The following NAV2 variants were observed in gnomAD, a reference collection of about 807,000 sequenced individuals.
NAV2 encodes helicase, APC down-regulated 1.
In NAV2, 54 loss-of-function variants were observed where a neutral mutation model predicts 223.2. The ratio of observed to expected loss-of-function variants is 0.24; its 90% CI spans 0.19 to 0.30. NAV2 has a LOEUF of 0.30. Among genes scored for constraint, NAV2 ranks in the 10% least tolerant of loss-of-function variants. The pLI, the probability that NAV2 is intolerant of heterozygous loss-of-function variation, is 1.00. For synonymous variants in NAV2, 1,279 were observed against 1,239.3 expected (o/e 1.03, Z -0.67); for missense variants, 2,806 against 3,147.5 (o/e 0.89, Z 2.60).
intron 4 of NAV2, 83 bp from the exon 5 acceptor site, chr11:19,879,786 C>T: frequency 6.5e-7 from 1 of 1,527,470 alleles, no homozygotes; most frequent in Non-Finnish European, 9.0e-7. Flanking sequence ...CTAAAGAAAT[C>T]AAACTCACGT....
rs2058250828 is a variant in NAV2 at position 20,054,640 on chromosome 11, T to C, written c.4642+400T>C. ...GAATGCATTCTTTTTCTAAGACCTC[T>C]GAAGAAATAGATTTTATCGCATATC... On this transcript the variant is annotated intron_variant, in intron 18 of 37. Transcript: ENST00000349880. Among the ~76,000 whole-genome samples, 4 of 152,230 alleles carry C rather than the reference T, an allele frequency of 2.6e-5. 1 individual carries two copies. Among genetic ancestry groups the C allele is most frequent in the Admixed American group, 2.6e-4 (4 of 15,288 alleles).
At chr11:20,018,660 T>C (rs4525210) in intron 11 of NAV2, among the ~76,000 whole-genome samples, 12,629 of 152,160 alleles carry the variant, frequency 0.083, 648 homozygotes, top group Admixed American at 0.11. Flanking sequence ...CAGCAGTGAT[T>C]TAGGCACTGG....
chr11:19,629,357 T>G (rs1461583378), intron 1 of NAV2, among the ~76,000 whole-genome samples: 2 of 151,978 alleles, frequency 1.3e-5, no homozygotes, highest in African/African-American at 4.8e-5. Flanking sequence ...TTTCCTAGAC[T>G]AATAATAATA....
In NAV2 at chr11:19,949,067, G is replaced by A; in HGVS notation, c.2632G>A (p.Asp878Asn). Residue 878 changes from aspartate to asparagine, a missense_variant, in exon 10 of 38, where the codon GAC (aspartate) becomes AAC (asparagine). Physicochemically the swap from Asp to Asn is conservative, Grantham distance 23 (BLOSUM62 1). This residue lies in a region of NAV2 where 1,167 missense variants were observed against 1,180.5 expected (regional missense o/e 0.99). Transcript: ENST00000349880. The stretch of plus-strand genomic sequence containing the variant: ...TCTGAGCAAGAACATCCGGACCGAT[G>A]ACATTACAAGCGGGTAAGTACCCGG... ...DVLSKNIRTDDITSGYMTDGG... is the reference protein window; with the variant it reads ...DVLSKNIRTDNITSGYMTDGG... 2 of 1,605,072 alleles carry A rather than the reference G, an allele frequency of 1.2e-6. No homozygotes were observed. Among genetic ancestry groups the A allele is most frequent in the Non-Finnish European group, 8.5e-7 (1 of 1,174,126 alleles).
At chr11:19,405,448 A>T (rs1183466065) in intron 1 of NAV2, among the ~76,000 whole-genome samples, 2 of 152,066 alleles carry the variant, frequency 1.3e-5, no homozygotes. Flanking sequence ...TCTGTTCTCC[A>T]CTGAGTTCTT....
chr11:19,568,111 C>A (rs139003428), intron 1 of NAV2, among the ~76,000 whole-genome samples: 37 of 152,340 alleles, frequency 2.4e-4, no homozygotes, highest in African/African-American at 8.9e-4. Flanking sequence ...ATGAGCAAGT[C>A]AGAGAACCAG....
At chr11:19,450,395 C>A (rs908273384) in intron 1 of NAV2, among the ~76,000 whole-genome samples, 3 of 152,178 alleles carry the variant, frequency 2.0e-5, no homozygotes, top group African/African-American at 7.2e-5. Context: ...TGGATGAAAA[C>A]CATTTGGTAG....
chr11:19,452,748 T>G (rs1851832271), intron 1 of NAV2, among the ~76,000 whole-genome samples: 1 of 152,372 alleles, frequency 6.6e-6, no homozygotes, highest in South Asian at 2.1e-4. Flanking sequence ...TTTTGAATAC[T>G]GTATTCAAAG....
At position 19,529,932 on chromosome 11, in the gene NAV2, G is replaced by T. The variant is rs76320761; in HGVS notation, c.75+178905G>T. On this transcript the variant is annotated intron_variant, in intron 1 of 37. Coordinates refer to the NAV2 transcript ENST00000360655. ...ACAAAACATCTTTTTTACTACCATTGACCTCCTCCTCTAGGGGTGTGGGAG... is the reference window on the plus strand; with the variant it reads ...ACAAAACATCTTTTTTACTACCATTTACCTCCTCCTCTAGGGGTGTGGGAG... Among the ~76,000 whole-genome samples the T allele has an allele frequency of 5.3e-3, 805 of 152,250 alleles. 4 individuals are homozygous for T. The highest frequency in any genetic ancestry group is 0.019 in the African/African-American group (783 of 41,522).
chr11:19,736,522 C>T (rs2052315156), intron 1 of NAV2, among the ~76,000 whole-genome samples: 1 of 152,180 alleles, frequency 6.6e-6, no homozygotes. Context: ...ACTGGATATG[C>T]TGAGCTCTAA....
At chr11:19,535,523 A>G (rs749650370) in intron 1 of NAV2, among the ~76,000 whole-genome samples, 4 of 152,148 alleles carry the variant, frequency 2.6e-5, no homozygotes, top group African/African-American at 7.2e-5. Flanking sequence ...CGGGTGATAT[A>G]CTTTTAATTA....
chr11:19,879,759 A>G, intron 4 of NAV2, 110 bp from the exon 5 acceptor site: 1 of 1,259,262 alleles, frequency 7.9e-7, no homozygotes, highest in Non-Finnish European at 1.1e-6. Flanking sequence ...TGAAGTGTTC[A>G]GGAAGCCTGT....
intron 1 of NAV2, among the ~76,000 whole-genome samples, chr11:19,489,986 T>C (rs535108819): frequency 1.4e-4 from 22 of 152,240 alleles, no homozygotes; most frequent in Admixed American, 5.9e-4. Context: ...CGCAATAAAG[T>C]GAGTCACATG....
intron 11 of NAV2, among the ~76,000 whole-genome samples, chr11:20,035,604 C>A (rs554910512): frequency 6.6e-5 from 10 of 152,248 alleles, no homozygotes; most frequent in African/African-American, 2.2e-4. Flanking sequence ...AGCTCTAGTC[C>A]CCAGACTCAC....
At chr11:19,439,925 G>C (rs1851340285) in intron 1 of NAV2, among the ~76,000 whole-genome samples, 1 of 152,168 alleles carries the variant, frequency 6.6e-6, no homozygotes, top group East Asian at 1.9e-4. Context: ...GATATTGAGA[G>C]TAACATACAA....
chr11:19,756,178 C>T (rs2054216272), intron 1 of NAV2, among the ~76,000 whole-genome samples: 1 of 152,124 alleles, frequency 6.6e-6, no homozygotes. Context: ...GGGTTGGTTA[C>T]GTCTGGATTC....
chr11:19,627,264 T>G (rs2047198085), intron 1 of NAV2, among the ~76,000 whole-genome samples: 1 of 152,120 alleles, frequency 6.6e-6, no homozygotes, highest in Admixed American at 6.5e-5. Flanking sequence ...ATTGTGTGCC[T>G]GTAATCCCAG....
At chr11:19,778,776 C>T (rs2056498159) in intron 1 of NAV2, among the ~76,000 whole-genome samples, 2 of 152,142 alleles carry the variant, frequency 1.3e-5, no homozygotes, top group African/African-American at 4.8e-5. Flanking sequence ...GATTCCAGCT[C>T]CCTAATCCTT....
chr11:19,560,721 T>A (rs771251544), intron 1 of NAV2, among the ~76,000 whole-genome samples: 13 of 152,240 alleles, frequency 8.5e-5, no homozygotes, highest in Non-Finnish European at 1.6e-4. Flanking sequence ...TCCATCTTTC[T>A]GAGTGTCTGG....
Sources: allele counts gnomAD v4.1 joint callset (sites outside exome capture counted in the v4.1 genomes callset), GRCh38; gene constraint gnomAD v4.1.1; regional missense constraint gnomAD v4.1.1; transcripts MANE v1.5; gene names NCBI Gene and HGNC (gene_info 2026-07-23, HGNC 2026-07-21).